The following SOX5 variants were observed in gnomAD, a reference collection of about 807,000 sequenced individuals.
SOX5 encodes transcription factor SOX-5.
In SOX5, 9 loss-of-function variants were observed where a neutral mutation model predicts 92.0. The ratio of observed to expected loss-of-function variants is 0.10; its 90% CI spans 0.06 to 0.17. The LOEUF is 0.17. Ranked by LOEUF, SOX5 falls within the 10% of genes least tolerant of loss-of-function variation. SOX5 has a pLI of 1.00. For missense variants in SOX5, 642 were observed against 944.5 expected (o/e 0.68, Z 4.20); for synonymous variants, 344 against 336.3 (o/e 1.02, Z -0.25).
At chr12:24,154,772 T>A (rs1952000366) in intron 4 of SOX5, among the ~76,000 whole-genome samples, 1 of 152,186 alleles carries the variant, frequency 6.6e-6, no homozygotes, top group African/African-American at 2.4e-5. Flanking sequence ...TTTGTTTCTC[T>A]TCTTTCTTGG....
chr12:24,443,391 C>T (rs1289581112), intron 1 of SOX5, among the ~76,000 whole-genome samples: 2 of 152,262 alleles, frequency 1.3e-5, no homozygotes, highest in African/African-American at 2.4e-5. Context: ...ATGAATTTAG[C>T]GATTTCCATC....
chr12:23,554,789 A>AAT (rs1484625904), intron 11 of SOX5, among the ~76,000 whole-genome samples: 1 of 152,190 alleles, frequency 6.6e-6, no homozygotes, highest in African/African-American at 2.4e-5. Context: ...TTTTCCTAAT[A>AAT]ATAGTTTTAA....
chr12:24,283,119 C>G (rs10842312), intron 2 of SOX5, among the ~76,000 whole-genome samples: 56,314 of 152,172 alleles, frequency 0.37, 12,052 homozygotes, highest in East Asian at 0.83. Context: ...CAGAAAAACA[C>G]TTTGTGATCC....
chr12:24,095,128 C>CACAGAG lies in SOX5; in HGVS notation c.-2+118214_-2+118215insCTCTGT, dbSNP rs1345578614. Reference sequence around the variant, plus strand: ...ACACACACACACACACACACACACACAGAGAGAGAGAGAGAGAGAGAGAGA... The same window carrying CACAGAG: ...ACACACACACACACACACACACACACACAGAGAGAGAGAGAGAGAGAGAGAGAGAGA... On this transcript the variant is annotated intron_variant, in intron 4 of 4. Transcript: ENST00000446891. Among the ~76,000 whole-genome samples the CACAGAG allele has an allele frequency of 3.8e-3, 345 of 90,184 alleles. 2 individuals carry two copies. Among genetic ancestry groups the CACAGAG allele is most frequent in the African/African-American group, 0.013 (286 of 22,430 alleles). 59.2% of individuals were successfully genotyped at this position (90,184 alleles called of 152,430 possible). A position where few individuals can be genotyped will look rare whatever the true frequency, so the allele number is the denominator to read the frequency against.
chr12:24,178,943 C>T lies in SOX5; in HGVS notation c.-2+34400G>A, dbSNP rs371882310. The stretch of plus-strand genomic sequence containing the variant: ...GATAGATAGAAACAGAATTGGAGGA[C>T]GATTTCAGTATATATAACCATCTGA... On this transcript the variant is annotated intron_variant, in intron 4 of 4. Coordinates refer to the SOX5 transcript ENST00000446891. Among the ~76,000 whole-genome samples the T allele has an allele frequency of 3.9e-5, 6 of 152,110 alleles. No individual in the cohort carries two copies. In the South Asian group the frequency reaches 6.2e-4, roughly 16 times the overall value.
chr12:24,541,317 G>T (rs746158906), intron 1 of SOX5, among the ~76,000 whole-genome samples: 4 of 151,992 alleles, frequency 2.6e-5, no homozygotes, highest in African/African-American at 9.7e-5. Flanking sequence ...ATTGCACTTC[G>T]GTAAAAGGTT....
At chr12:24,329,161 A>ATC (rs1453218619) in intron 2 of SOX5, among the ~76,000 whole-genome samples, 2 of 152,202 alleles carry the variant, frequency 1.3e-5, no homozygotes, top group Non-Finnish European at 2.9e-5. Context: ...GAGGTTTCCC[A>ATC]TCTTTTTATT....
At chr12:23,930,454 T>C (rs933874328) in intron 1 of SOX5, among the ~76,000 whole-genome samples, 4 of 151,732 alleles carry the variant, frequency 2.6e-5, no homozygotes, top group African/African-American at 9.7e-5. Flanking sequence ...GGATGAAAGC[T>C]GAAGGAATTT....
At chr12:24,173,653 A>T (rs990466797) in intron 4 of SOX5, among the ~76,000 whole-genome samples, 5 of 152,104 alleles carry the variant, frequency 3.3e-5, no homozygotes, top group Non-Finnish European at 7.4e-5. Context: ...TTGCCTGAGG[A>T]GTTCAGTAGT....
chr12:23,775,010 G>C (rs999094925), intron 3 of SOX5, among the ~76,000 whole-genome samples: 1 of 152,010 alleles, frequency 6.6e-6, no homozygotes, highest in Non-Finnish European at 1.5e-5. Context: ...CCTTAAAGCA[G>C]ACTCTGCATT....
chr12:23,872,133 G>T (rs1341771098), intron 2 of SOX5, among the ~76,000 whole-genome samples: 1 of 145,672 alleles, frequency 6.9e-6, no homozygotes, highest in African/African-American at 2.5e-5. Context: ...GAGTAGCTGG[G>T]ACTACAGGCG....
At chr12:23,787,168 TTAGA>T (rs1333620341) in intron 3 of SOX5, among the ~76,000 whole-genome samples, 1 of 151,970 alleles carries the variant, frequency 6.6e-6, no homozygotes, top group African/African-American at 2.4e-5. Context: ...TTTAGAAGCA[TTAGA>T]TACTCATTAA....
chr12:24,252,829 A>G (rs1037955272), intron 3 of SOX5, among the ~76,000 whole-genome samples: 2 of 152,182 alleles, frequency 1.3e-5, no homozygotes, highest in Admixed American at 1.3e-4. Context: ...CAGCTCCAAT[A>G]TCTAGGTTAC....
intron 1 of SOX5, among the ~76,000 whole-genome samples, chr12:24,406,079 G>A (rs1033392468): frequency 9.2e-5 from 14 of 152,136 alleles, no homozygotes; most frequent in Non-Finnish European, 1.9e-4. Flanking sequence ...GCTGGGCTAG[G>A]AGCAGCTCTG....
intron 2 of SOX5, among the ~76,000 whole-genome samples, chr12:23,859,501 T>C (rs1054386116): frequency 1.6e-4 from 24 of 152,126 alleles, no homozygotes; most frequent in Admixed American, 1.4e-3. Context: ...CCTGTTAAGA[T>C]GTTTATCAGG....
chr12:23,665,953 C>T (rs2083726009), intron 6 of SOX5, among the ~76,000 whole-genome samples: 1 of 152,016 alleles, frequency 6.6e-6, no homozygotes, highest in Non-Finnish European at 1.5e-5. Flanking sequence ...CTAATTCTAC[C>T]ATCTAAAACA....
chr12:24,412,650 T>A (rs531972263), intron 1 of SOX5, among the ~76,000 whole-genome samples: 1 of 152,096 alleles, frequency 6.6e-6, no homozygotes, highest in South Asian at 2.1e-4. Flanking sequence ...ATATATCCCA[T>A]ATGATTTTAG....
intron 4 of SOX5, among the ~76,000 whole-genome samples, chr12:23,973,202 C>T (rs1452232795): frequency 7.0e-6 from 1 of 141,886 alleles, no homozygotes; most frequent in South Asian, 2.3e-4. Flanking sequence ...CACTCTATTG[C>T]CCAGGCTGGA....
intron 6 of SOX5, among the ~76,000 whole-genome samples, chr12:23,721,664 C>T (rs2092822289): frequency 6.6e-6 from 1 of 152,112 alleles, no homozygotes; most frequent in Admixed American, 6.6e-5. Context: ...TTTGAGTATA[C>T]CCCAGTTTTT....
Sources: allele counts gnomAD v4.1 joint callset (sites outside exome capture counted in the v4.1 genomes callset), GRCh38; gene constraint gnomAD v4.1.1; transcripts MANE v1.5; gene names NCBI Gene and HGNC (gene_info 2026-07-23, HGNC 2026-07-21).